PHF24: variants seen among roughly 807,000 people sequenced by gnomAD.
PHF24 encodes Galpha inhibitory interacting protein.
Under a neutral mutation model 42.6 loss-of-function variants are expected in PHF24, and 25 were observed. The ratio of observed to expected loss-of-function variants is 0.59; its 90% CI spans 0.43 to 0.82. The LOEUF (loss-of-function observed/expected upper bound fraction) is 0.82. Ranked by LOEUF, PHF24 falls within the 40% of genes least tolerant of loss-of-function variation. The pLI is 0.00. For synonymous variants in PHF24, 185 were observed against 204.8 expected, an observed-to-expected ratio of 0.90 and a Z score of 0.83; for missense variants, 470 against 538.1, an observed-to-expected ratio of 0.87 and a Z score of 1.25.
chr9:34,694,769 C>T, the PHF24 span, among the ~76,000 whole-genome samples: 9 of 152,230 alleles, frequency 5.9e-5, no homozygotes, highest in East Asian at 1.7e-3. Flanking sequence ...CTGTTCCCTC[C>T]TCTTGCCCCT....
chr9:34,911,410 C>G, the PHF24 span, among the ~76,000 whole-genome samples: 1 of 152,098 alleles, frequency 6.6e-6, no homozygotes, highest in Non-Finnish European at 1.5e-5. Flanking sequence ...CCCGCCACCA[C>G]GCCTGGATAA....
At chr9:34,977,408 C>G in intron 6 of PHF24, 138 bp from the exon 7 acceptor site, 1 of 1,188,100 alleles carries the variant, frequency 8.4e-7, no homozygotes, top group African/African-American at 1.5e-5. Flanking sequence ...CATAGGACAG[C>G]CTCTGCCTTC....
the PHF24 span, among the ~76,000 whole-genome samples, chr9:34,684,353 G>A: frequency 1.3e-5 from 2 of 152,144 alleles, no homozygotes; most frequent in Non-Finnish European, 2.9e-5. Context: ...ACTACTGGGG[G>A]CCTTACACTA....
chr9:34,791,536 A>C, the PHF24 span, among the ~76,000 whole-genome samples: 3 of 151,956 alleles, frequency 2.0e-5, no homozygotes, highest in Admixed American at 2.0e-4. Flanking sequence ...AATAGTATTG[A>C]AAGTCATGGG....
the PHF24 span, among the ~76,000 whole-genome samples, chr9:34,907,952 C>T: frequency 6.6e-6 from 1 of 152,124 alleles, no homozygotes; most frequent in Admixed American, 6.5e-5. Context: ...AAGCAATTCT[C>T]CTGCCTCAGC....
intron 1 of PHF24, among the ~76,000 whole-genome samples, chr9:34,965,813 A>C (rs1469910180): frequency 6.6e-6 from 1 of 152,264 alleles, no homozygotes; most frequent in Non-Finnish European, 1.5e-5. Context: ...TTATTAAAGC[A>C]TCTGAAAAAG....
the PHF24 span, among the ~76,000 whole-genome samples, chr9:34,696,562 T>C: frequency 6.6e-6 from 1 of 151,608 alleles, no homozygotes; most frequent in South Asian, 2.1e-4. Context: ...GTTTATTGTA[T>C]GTGGCCACAT....
At chr9:34,865,558 T>C in the PHF24 span, among the ~76,000 whole-genome samples, 8 of 151,148 alleles carry the variant, frequency 5.3e-5, no homozygotes. Context: ...AGCAAGACTC[T>C]GTCTCAAAAG....
the PHF24 span, among the ~76,000 whole-genome samples, chr9:34,930,302 A>G: frequency 2.6e-5 from 4 of 152,220 alleles, no homozygotes; most frequent in African/African-American, 7.2e-5. Flanking sequence ...GGAACGTGAG[A>G]TAAGACATCC....
the PHF24 span, among the ~76,000 whole-genome samples, chr9:34,874,664 C>G: frequency 6.6e-6 from 1 of 152,108 alleles, no homozygotes; most frequent in Non-Finnish European, 1.5e-5. Flanking sequence ...AATGCTCCAA[C>G]AAACATTCAT....
At chr9:34,680,713 A>ATAAT in the PHF24 span, among the ~76,000 whole-genome samples, 3,810 of 92,670 alleles carry the variant, frequency 0.041, 158 homozygotes, top group African/African-American at 0.12. Context: ...TAAATAAAAA[A>ATAAT]AAAAATAAAA....
the PHF24 span, among the ~76,000 whole-genome samples, chr9:34,931,244 C>T: frequency 2.0e-5 from 3 of 151,664 alleles, no homozygotes; most frequent in Admixed American, 6.6e-5. Flanking sequence ...GGCATGGTGG[C>T]GGGCTCCTGT....
the PHF24 span, among the ~76,000 whole-genome samples, chr9:34,755,568 T>C: frequency 6.6e-6 from 1 of 152,070 alleles, no homozygotes; most frequent in Non-Finnish European, 1.5e-5. Flanking sequence ...CATTTTTAAT[T>C]GGATTGTTGT....
chr9:34,892,952 T>C, the PHF24 span: 2 of 688,654 alleles, frequency 2.9e-6, no homozygotes, highest in Non-Finnish European at 5.3e-6. Flanking sequence ...ATCCTGACTA[T>C]GCTTAAAAGA....
At chr9:34,980,622 C>A (rs1827356593) in exon 8 of PHF24, 1 of 152,220 alleles carries the variant, frequency 6.6e-6, no homozygotes. Context: ...GTGTTCTAAT[C>A]CCCAGAGCCC....
At chr9:34,965,023 C>T (rs1381498949) in intron 1 of PHF24, among the ~76,000 whole-genome samples, 1 of 152,208 alleles carries the variant, frequency 6.6e-6, no homozygotes. Context: ...TTTGTGGGAT[C>T]TTTGCAACTT....
At chr9:34,848,881 G>A in the PHF24 span, among the ~76,000 whole-genome samples, 5 of 152,128 alleles carry the variant, frequency 3.3e-5, no homozygotes, top group African/African-American at 4.8e-5. Context: ...TCAGGAGCAG[G>A]TTGTTCAGTT....
At chr9:34,777,506 C>A in the PHF24 span, among the ~76,000 whole-genome samples, 2 of 152,176 alleles carry the variant, frequency 1.3e-5, no homozygotes, top group Non-Finnish European at 2.9e-5. Context: ...TGATACCCTA[C>A]TACTAGGGAG....
chr9:34,959,104 A>G (rs918318347), intron 1 of PHF24, among the ~76,000 whole-genome samples: 2 of 152,098 alleles, frequency 1.3e-5, no homozygotes, highest in African/African-American at 4.8e-5. Flanking sequence ...TTTAGTGGAG[A>G]CAGAAACTGC....
Sources: allele counts gnomAD v4.1 joint callset (sites outside exome capture counted in the v4.1 genomes callset), GRCh38; gene constraint gnomAD v4.1.1; transcripts MANE v1.5; gene names NCBI Gene and HGNC (gene_info 2026-07-23, HGNC 2026-07-21).